Variants in RNF220 observed in about 807,000 individuals in gnomAD.
The protein encoded by RNF220 is ring finger protein 220.
Under a neutral mutation model 67.1 loss-of-function variants are expected in RNF220, and 7 were observed. That is an observed-to-expected ratio of 0.10 (90% CI 0.06 to 0.20). RNF220 has a LOEUF of 0.20. Ranked by LOEUF, RNF220 falls within the 10% of genes least tolerant of loss-of-function variation. The pLI is 1.00. For missense variants in RNF220, 565 were observed against 740.3 expected (o/e 0.76, Z 2.75); for synonymous variants, 270 against 283.2 (o/e 0.95, Z 0.47).
chr1:44,546,238 T>A lies in RNF220; in HGVS notation c.626-67927T>A, dbSNP rs151252709. Among the ~76,000 whole-genome samples the A allele has an allele frequency of 6.2e-4, 94 of 152,234 alleles. 3 individuals are homozygous for A. In the East Asian group the frequency reaches 0.012, roughly 19 times the overall value. ...TTCTTCCGGCCACCCAGCCTCTTCA[T>A]GGCCAGTACCAGAAGGCCAGATCCC... On this transcript the variant is annotated intron_variant, in intron 2 of 14. Transcript: ENST00000361799.
At chr1:44,466,805 A>G (rs958831158) in intron 2 of RNF220, among the ~76,000 whole-genome samples, 2 of 152,226 alleles carry the variant, frequency 1.3e-5, no homozygotes, top group Non-Finnish European at 2.9e-5. Context: ...TGCTGTCATC[A>G]TGGCTTTGTT....
rs1046312088 is a variant in RNF220 at position 44,417,575 on chromosome 1, C to A, written c.625+4853C>A. On this transcript the variant is annotated intron_variant, in intron 2 of 14. Transcript: ENST00000361799. This position sits in a 1 kb window ranked among gnomAD's most constrained non-coding sequence, Gnocchi z 4.0. ...TGCGGCGGCTGCCTCCTCTTACGGC[C>A]GGAATGCCTAATCACCATGGTGAGA... Among the ~76,000 whole-genome samples, 9 of 152,176 alleles carry A rather than the reference C, an allele frequency of 5.9e-5. No individual in the cohort carries two copies. The highest frequency in any genetic ancestry group is 1.2e-4 in the Non-Finnish European group (8 of 68,028).
chr1:44,636,230 G>T, intron 8 of RNF220, 68 bp downstream of exon 8: 1 of 1,560,848 alleles, frequency 6.4e-7, no homozygotes. Flanking sequence ...CCATCTGCTG[G>T]AAGCCAAGAG....
intron 2 of RNF220, among the ~76,000 whole-genome samples, chr1:44,504,303 G>A (rs1363736900): frequency 6.6e-6 from 1 of 152,208 alleles, no homozygotes; most frequent in African/African-American, 2.4e-5. Flanking sequence ...GGCCAATCCA[G>A]CCCAGCACCT....
At chr1:44,476,992 C>CT (rs1350045603) in intron 2 of RNF220, among the ~76,000 whole-genome samples, 2 of 152,142 alleles carry the variant, frequency 1.3e-5, no homozygotes, top group African/African-American at 4.8e-5. Context: ...GTTGGTTAAG[C>CT]TACCAAGCAA....
At chr1:44,574,822 C>A (rs937706123) in intron 2 of RNF220, among the ~76,000 whole-genome samples, 1 of 106,018 alleles carries the variant, frequency 9.4e-6, no homozygotes, top group Non-Finnish European at 1.9e-5. Flanking sequence ...GGGATTGTTG[C>A]TTTTGCTGTG....
intron 2 of RNF220, among the ~76,000 whole-genome samples, chr1:44,544,176 C>T (rs922694640): frequency 1.3e-5 from 2 of 152,142 alleles, no homozygotes; most frequent in African/African-American, 4.8e-5. Context: ...TGAACTGGAG[C>T]GGGGGTGGGA....
At chr1:44,445,601 G>A (rs1386106096) in intron 2 of RNF220, among the ~76,000 whole-genome samples, 1 of 151,740 alleles carries the variant, frequency 6.6e-6, no homozygotes, top group Non-Finnish European at 1.5e-5. Flanking sequence ...CATTTGCCAT[G>A]GTTACCCTTT....
At chr1:44,460,253 C>T (rs747125970) in intron 2 of RNF220, among the ~76,000 whole-genome samples, 1 of 152,160 alleles carries the variant, frequency 6.6e-6, no homozygotes, top group Non-Finnish European at 1.5e-5. Context: ...GAACAGACCC[C>T]GGCTGTGAGA....
At chr1:44,614,364 A>G in intron 3 of RNF220, 67 bp downstream of exon 3, 2 of 1,575,078 alleles carry the variant, frequency 1.3e-6, no homozygotes, top group Non-Finnish European at 8.7e-7. Flanking sequence ...ACCGGATCCC[A>G]GAAGCAGCCG....
At chr1:44,648,317 G>C (rs1644703772) in intron 12 of RNF220, 1 of 152,228 alleles carries the variant, frequency 6.6e-6, no homozygotes, top group Non-Finnish European at 1.5e-5. Context: ...TTTGTAAGGT[G>C]TAAATAAGAT....
chr1:44,538,270 C>T (rs1002539894), intron 2 of RNF220, among the ~76,000 whole-genome samples: 2 of 152,152 alleles, frequency 1.3e-5, no homozygotes, highest in African/African-American at 4.8e-5. Flanking sequence ...TACCTTTCTC[C>T]AGTATTTTCT....
chr1:44,617,363 C>T (rs965983482), intron 3 of RNF220, among the ~76,000 whole-genome samples: 5 of 152,198 alleles, frequency 3.3e-5, no homozygotes, highest in African/African-American at 1.2e-4. Flanking sequence ...CCCTCCCTCC[C>T]TGCGGCCGCT....
At chr1:44,573,638 G>C (rs1452691993) in intron 2 of RNF220, among the ~76,000 whole-genome samples, 1 of 152,096 alleles carries the variant, frequency 6.6e-6, no homozygotes, top group Non-Finnish European at 1.5e-5. Context: ...TCCCAAGAGG[G>C]GCTCAAGGAT....
At chr1:44,580,030 CAAAAAAAAAAA>C (rs61499825) in intron 2 of RNF220, among the ~76,000 whole-genome samples, 169 of 65,260 alleles carry the variant, frequency 2.6e-3, no homozygotes, top group Non-Finnish European at 4.3e-3. Flanking sequence ...CCCTGTCTCA[CAAAAAAAAAAA>C]AAAAAAAAAA....
chr1:44,610,997 C>T (rs562970892), intron 2 of RNF220, among the ~76,000 whole-genome samples: 12 of 152,302 alleles, frequency 7.9e-5, no homozygotes, highest in Non-Finnish European at 1.8e-4. Flanking sequence ...GCGGAGCAGG[C>T]CCAGGGCCAG....
intron 2 of RNF220, among the ~76,000 whole-genome samples, chr1:44,555,147 A>G (rs960922645): frequency 1.3e-5 from 2 of 151,340 alleles, no homozygotes; most frequent in African/African-American, 4.9e-5. Context: ...AGCTCACTGC[A>G]GCCTCCACCT....
At chr1:44,577,876 C>T (rs1664931167) in intron 2 of RNF220, among the ~76,000 whole-genome samples, 1 of 151,524 alleles carries the variant, frequency 6.6e-6, no homozygotes, top group Non-Finnish European at 1.5e-5. Flanking sequence ...TCACCCTATC[C>T]CCCAGGCTGG....
At chr1:44,631,423 A>G (rs1468975470) in intron 5 of RNF220, among the ~76,000 whole-genome samples, 2 of 152,246 alleles carry the variant, frequency 1.3e-5, no homozygotes, top group Non-Finnish European at 2.9e-5. Context: ...ACCTGAGTAG[A>G]TAGTGGCTTC....
Sources: gnomAD v4.1 joint callset for allele counts (sites outside exome capture counted in the v4.1 genomes callset) on GRCh38, gnomAD v4.1.1 for gene constraint, Gnocchi (gnomAD v3.1) non-coding constraint, MANE v1.5 for transcripts, NCBI Gene and HGNC (gene_info 2026-07-23, HGNC 2026-07-21) for gene names.